The following TMEM108 variants were observed in gnomAD, a reference collection of about 807,000 sequenced individuals.
TMEM108 encodes the protein transmembrane protein 108.
Under a neutral mutation model 35.1 loss-of-function variants are expected in TMEM108, and 12 were observed. The observed-to-expected ratio is 0.34, with a 90% CI of 0.22 to 0.55. The LOEUF is 0.55. TMEM108 is among the 20% of genes least tolerant of loss of function. The pLI is 0.89. For synonymous variants in TMEM108, 287 were observed against 308.6 expected (o/e 0.93, Z 0.73); for missense variants, 680 against 753.3 (o/e 0.90, Z 1.14).
At chr3:133,192,153 C>G (rs58829083) in intron 2 of TMEM108, among the ~76,000 whole-genome samples, 1 of 152,184 alleles carries the variant, frequency 6.6e-6, no homozygotes, top group East Asian at 1.9e-4. Context: ...GTTACAATTG[C>G]AAGGGAAGGA....
At chr3:133,286,554 C>G (rs1346136263) in intron 3 of TMEM108, among the ~76,000 whole-genome samples, 1 of 152,140 alleles carries the variant, frequency 6.6e-6, no homozygotes, top group Non-Finnish European at 1.5e-5. Context: ...CTAGGCAGGC[C>G]TCAAACTCCT....
At chr3:133,165,270 A>G (rs188518715) in intron 2 of TMEM108, among the ~76,000 whole-genome samples, 7 of 152,322 alleles carry the variant, frequency 4.6e-5, no homozygotes, top group African/African-American at 1.7e-4. Context: ...GGCTTTGTGA[A>G]GGCTTATGTT....
chr3:133,391,196 C>T (rs188570843), intron 5 of TMEM108, among the ~76,000 whole-genome samples: 9 of 152,220 alleles, frequency 5.9e-5, no homozygotes, highest in African/African-American at 2.2e-4. Context: ...TGAAAGCACC[C>T]TATATGTGAT....
At chr3:133,182,211 T>A (rs1378212849) in intron 2 of TMEM108, among the ~76,000 whole-genome samples, 1 of 152,208 alleles carries the variant, frequency 6.6e-6, no homozygotes, top group African/African-American at 2.4e-5. Flanking sequence ...GTAGATCGAT[T>A]AACCAGACTA....
intron 2 of TMEM108, among the ~76,000 whole-genome samples, chr3:133,111,316 G>A (rs560829353): frequency 6.6e-6 from 1 of 152,218 alleles, no homozygotes. Flanking sequence ...GAAGTAAATG[G>A]CAGAGTTGAT....
At chr3:133,199,689 C>T (rs115607357) in intron 2 of TMEM108, among the ~76,000 whole-genome samples, 19,733 of 152,146 alleles carry the variant, frequency 0.13, 1,613 homozygotes, top group East Asian at 0.38. Flanking sequence ...AGGTGTCAGT[C>T]GGCCTCTACT....
intron 2 of TMEM108, among the ~76,000 whole-genome samples, chr3:133,061,622 A>G (rs1943536899): frequency 6.6e-6 from 1 of 152,214 alleles, no homozygotes; most frequent in African/African-American, 2.4e-5. Flanking sequence ...ATGGGTACAG[A>G]GGATTGGACA....
At chr3:133,361,780 C>T (rs1210552230) in intron 3 of TMEM108, among the ~76,000 whole-genome samples, 3 of 152,128 alleles carry the variant, frequency 2.0e-5, no homozygotes, top group Non-Finnish European at 4.4e-5. Flanking sequence ...GGGCTTGGAA[C>T]TCATGGAATA....
chr3:133,312,422 C>T (rs1436918331), intron 3 of TMEM108, among the ~76,000 whole-genome samples: 2 of 152,208 alleles, frequency 1.3e-5, no homozygotes. Context: ...TGTTTACCTA[C>T]TCAAGCCTCA....
chr3:133,059,325 T>A (rs1441171926), intron 2 of TMEM108, among the ~76,000 whole-genome samples: 2 of 152,236 alleles, frequency 1.3e-5, no homozygotes, highest in Non-Finnish European at 2.9e-5. Context: ...TATATTTTTT[T>A]AAACATATAT....
intron 2 of TMEM108, among the ~76,000 whole-genome samples, chr3:133,057,440 T>A (rs1235749795): frequency 2.7e-4 from 1 of 3,728 alleles, no homozygotes; most frequent in Non-Finnish European, 1.1e-3. Flanking sequence ...TGTGTGTATA[T>A]ATATATATAT....
intron 3 of TMEM108, among the ~76,000 whole-genome samples, chr3:133,272,355 T>C (rs1312538344): frequency 6.6e-6 from 1 of 151,684 alleles, no homozygotes; most frequent in Admixed American, 6.6e-5. Context: ...AATAGACTTC[T>C]AGGAACTTCC....
rs1370913223 is a variant in TMEM108 at position 133,046,009 on chromosome 3, C to T, written c.-58C>T. 6.6e-6 allele frequency: 1 copy of T among 152,650 alleles called. No individual in the cohort carries two copies. The highest frequency in any genetic ancestry group is 1.9e-4 in the East Asian group (1 of 5,200). 9.5% of individuals were successfully genotyped at this position (152,650 alleles called of 1,614,324 possible). A position where few individuals can be genotyped will look rare whatever the true frequency, so the allele number is the denominator to read the frequency against. ...AAGTGCGTTTGAAGGCTTCCACACC[C>T]TCTACTCCAGGGTAAGGCAAAGGCA... On this transcript the variant is annotated 5_prime_UTR_variant, in exon 2 of 6. Coordinates refer to ENST00000321871, the MANE Select transcript of TMEM108 (RefSeq NM_023943.4).
chr3:133,132,711 C>A (rs932160844), intron 2 of TMEM108, among the ~76,000 whole-genome samples: 4 of 152,018 alleles, frequency 2.6e-5, no homozygotes, highest in African/African-American at 4.8e-5. Flanking sequence ...AAATTCATTT[C>A]ATAAGGCTAT....
At chr3:133,130,873 A>G (rs1172279173) in intron 2 of TMEM108, among the ~76,000 whole-genome samples, 4 of 152,252 alleles carry the variant, frequency 2.6e-5, no homozygotes, top group Non-Finnish European at 5.9e-5. Flanking sequence ...TCTATCCATT[A>G]TAATTTAACT....
intron 2 of TMEM108, among the ~76,000 whole-genome samples, chr3:133,143,543 A>G (rs1944669085): frequency 6.6e-6 from 1 of 152,174 alleles, no homozygotes. Flanking sequence ...TAATCTTTTC[A>G]TTCCTTTGCC....
intron 2 of TMEM108, among the ~76,000 whole-genome samples, chr3:133,191,424 G>A (rs763490402): frequency 7.2e-5 from 11 of 152,100 alleles, no homozygotes; most frequent in Non-Finnish European, 1.3e-4. Flanking sequence ...ACTATATCTG[G>A]CAGGGTACGC....
chr3:133,230,954 G>A (rs1352498355), intron 3 of TMEM108, among the ~76,000 whole-genome samples: 1 of 152,280 alleles, frequency 6.6e-6, no homozygotes, highest in East Asian at 1.9e-4. Context: ...AAAGCTTGCT[G>A]GGAAATGCAA....
intron 2 of TMEM108, among the ~76,000 whole-genome samples, chr3:133,087,284 G>C (rs1439228292): frequency 1.3e-5 from 2 of 152,132 alleles, no homozygotes; most frequent in African/African-American, 4.8e-5. Context: ...GAGTTCCTCT[G>C]AACCTTACCA....
Sources: allele counts gnomAD v4.1 joint callset (sites outside exome capture counted in the v4.1 genomes callset), GRCh38; gene constraint gnomAD v4.1.1; transcripts MANE v1.5; gene names NCBI Gene and HGNC (gene_info 2026-07-23, HGNC 2026-07-21).